The following TENM3 variants were observed in gnomAD, a reference collection of about 807,000 sequenced individuals.
The protein encoded by TENM3 is teneurin-3.
A neutral mutation model predicts 255.1 loss-of-function variants in TENM3; 63 were observed. The observed-to-expected ratio is 0.25, with a 90% CI of 0.20 to 0.30. The LOEUF (loss-of-function observed/expected upper bound fraction) is 0.30, where lower values mean the gene tolerates loss of function less well. TENM3 is among the 10% of genes least tolerant of loss of function. The pLI is 1.00. For missense variants in TENM3, 2,929 were observed against 3,461.1 expected, an observed-to-expected ratio of 0.85 and a Z score of 3.86; for synonymous variants, 1,306 against 1,322.3, an observed-to-expected ratio of 0.99 and a Z score of 0.27.
the TENM3 span, among the ~76,000 whole-genome samples, chr4:181,844,835 C>G: frequency 6.6e-6 from 1 of 152,152 alleles, no homozygotes; most frequent in Non-Finnish European, 1.5e-5. Flanking sequence ...TCTAGCTTGT[C>G]CATAAAAACG....
chr4:182,527,165 C>T (rs1266612203), intron 3 of TENM3, among the ~76,000 whole-genome samples: 3 of 152,124 alleles, frequency 2.0e-5, no homozygotes, highest in African/African-American at 7.2e-5. Context: ...GTAATACAGT[C>T]AAATAAAAAG....
chr4:181,769,760 G>A, the TENM3 span, among the ~76,000 whole-genome samples: 208 of 152,090 alleles, frequency 1.4e-3, 2 homozygotes, highest in Non-Finnish European at 2.4e-3. Context: ...CATCTGGAAC[G>A]TATTATTATT....
At chr4:182,308,140 T>C (rs1451621006) in intron 1 of TENM3, among the ~76,000 whole-genome samples, 1 of 152,194 alleles carries the variant, frequency 6.6e-6, no homozygotes, top group African/African-American at 2.4e-5. Flanking sequence ...GTGTCCATTA[T>C]TGGGAGGTGC....
At chr4:181,851,918 A>G in the TENM3 span, among the ~76,000 whole-genome samples, 4 of 152,272 alleles carry the variant, frequency 2.6e-5, no homozygotes, top group South Asian at 8.3e-4. Flanking sequence ...TACATGCCCA[A>G]AGAAAGCCTG....
chr4:181,657,038 C>A, the TENM3 span, among the ~76,000 whole-genome samples: 1 of 152,220 alleles, frequency 6.6e-6, no homozygotes. Flanking sequence ...CAGATGCAGG[C>A]AATCAGCTCC....
intron 3 of TENM3, among the ~76,000 whole-genome samples, chr4:182,347,928 A>C (rs975619272): frequency 6.6e-6 from 1 of 152,238 alleles, no homozygotes; most frequent in Admixed American, 6.5e-5. Flanking sequence ...TTTATCAATG[A>C]TATTTCAATT....
chr4:182,621,641 AATACATATTATAATATATAATATG>A (rs1750173521), intron 4 of TENM3, among the ~76,000 whole-genome samples: 1 of 38,912 alleles, frequency 2.6e-5, no homozygotes, highest in African/African-American at 8.5e-5. Flanking sequence ...TATAATATAT[AATACATATTATAATATATAATATG>A]TATTATATAT....
the TENM3 span, among the ~76,000 whole-genome samples, chr4:181,810,142 G>A: frequency 6.6e-6 from 1 of 152,102 alleles, no homozygotes; most frequent in Non-Finnish European, 1.5e-5. Flanking sequence ...AACAAGCACG[G>A]GATCCAGGAC....
chr4:182,540,394 A>G (rs1365418524), intron 3 of TENM3, among the ~76,000 whole-genome samples: 2 of 152,190 alleles, frequency 1.3e-5, no homozygotes, highest in African/African-American at 2.4e-5. Flanking sequence ...GTTTGAGACC[A>G]GCCTGACCAA....
intron 26 of TENM3, among the ~76,000 whole-genome samples, chr4:182,795,145 C>G (rs960410658): frequency 1.3e-5 from 2 of 152,134 alleles, no homozygotes; most frequent in Non-Finnish European, 2.9e-5. Context: ...CTGTCTAAAG[C>G]ATTTCATATC....
chr4:182,291,244 G>A lies in TENM3; in HGVS notation c.-75-32702G>A, dbSNP rs563944080. ...GGCTGGTCTCCGGCAGGCTTCCCACGGAGGACAGGAACCTGAGCCTGTGTG... is the reference window on the plus strand; with the variant it reads ...GGCTGGTCTCCGGCAGGCTTCCCACAGAGGACAGGAACCTGAGCCTGTGTG... On this transcript the variant is annotated intron_variant, in intron 1 of 27. Transcript: ENST00000511685. Among the ~76,000 whole-genome samples, 7 of 152,258 alleles carry A rather than the reference G, an allele frequency of 4.6e-5. No individual in the cohort carries two copies. In the East Asian group the frequency reaches 1.4e-3, roughly 30 times the overall value.
the TENM3 span, among the ~76,000 whole-genome samples, chr4:182,089,340 C>G: frequency 6.6e-6 from 1 of 151,944 alleles, no homozygotes; most frequent in Non-Finnish European, 1.5e-5. Flanking sequence ...GATTTTTGGA[C>G]CAGGAGGTAC....
chr4:182,227,631 G>T (rs1417342402), intron 1 of TENM3, among the ~76,000 whole-genome samples: 2 of 147,878 alleles, frequency 1.4e-5, no homozygotes, highest in Non-Finnish European at 3.0e-5. Context: ...GTGTAGATGT[G>T]CAGGGCTTTT....
At chr4:181,519,872 C>T in the TENM3 span, among the ~76,000 whole-genome samples, 2 of 152,098 alleles carry the variant, frequency 1.3e-5, no homozygotes, top group Non-Finnish European at 2.9e-5. Flanking sequence ...GAAAGCAAAC[C>T]TCAGTGAAGG....
chr4:182,762,204 CT>C (rs1763255153), intron 22 of TENM3, among the ~76,000 whole-genome samples: 1 of 151,690 alleles, frequency 6.6e-6, no homozygotes, highest in Admixed American at 6.5e-5. Flanking sequence ...TGAATTAACT[CT>C]TTCAGGGTGT....
chr4:181,627,409 G>A, the TENM3 span, among the ~76,000 whole-genome samples: 9 of 152,010 alleles, frequency 5.9e-5, no homozygotes, highest in African/African-American at 1.9e-4. Context: ...ATATGTATAC[G>A]TGTGCCATGT....
At chr4:181,899,536 GTTGTTTTGTTTTTTGTT>G in the TENM3 span, among the ~76,000 whole-genome samples, 75 of 151,770 alleles carry the variant, frequency 4.9e-4, 1 homozygote, top group South Asian at 0.013. Flanking sequence ...TTGTTGTTTT[GTTGTTTTGTTTTTTGTT>G]TTGTTTTGTT....
At chr4:181,644,629 A>G in the TENM3 span, among the ~76,000 whole-genome samples, 1 of 151,784 alleles carries the variant, frequency 6.6e-6, no homozygotes, top group Non-Finnish European at 1.5e-5. Context: ...CTTCTTTGTG[A>G]CCCCTGCCTC....
intron 1 of TENM3, among the ~76,000 whole-genome samples, chr4:182,170,454 GT>G (rs1752029529): frequency 6.6e-6 from 1 of 152,044 alleles, no homozygotes; most frequent in African/African-American, 2.4e-5. Context: ...TGACAAATTG[GT>G]TTACAAACCC....
Sources: gnomAD v4.1 joint callset for allele counts (sites outside exome capture counted in the v4.1 genomes callset) on GRCh38, gnomAD v4.1.1 for gene constraint, MANE v1.5 for transcripts, NCBI Gene and HGNC (gene_info 2026-07-23, HGNC 2026-07-21) for gene names.